Variants in HMCN2 observed in about 807,000 individuals in gnomAD.
HMCN2 encodes the protein hemicentin-2.
HMCN2 carries 325 observed loss-of-function variants against 377.5 expected under a neutral mutation model. The ratio of observed to expected loss-of-function variants is 0.86; its 90% CI spans 0.79 to 0.94. HMCN2 has a LOEUF of 0.94. Ranked by LOEUF, HMCN2 falls within the 40% of genes least tolerant of loss-of-function variation. The pLI, the probability that HMCN2 is intolerant of heterozygous loss-of-function variation, is 0.00. For synonymous variants in HMCN2, 2,007 were observed against 2,046.8 expected, an observed-to-expected ratio of 0.98 and a Z score of 0.53; for missense variants, 4,543 against 4,725.3, an observed-to-expected ratio of 0.96 and a Z score of 1.13.
chr9:130,392,089 C>T lies in HMCN2; in HGVS notation c.10107C>T (p.Thr3369=), dbSNP rs1002499003. Reference sequence around the variant, plus strand: ...TGCCCCTCCCGCTCTCCCAGCGCACCCTCCTCCACGGCTCTGGCCACACCC... The same window carrying T: ...TGCCCCTCCCGCTCTCCCAGCGCACTCTCCTCCACGGCTCTGGCCACACCC... ...DGLPLPLSQR[T]LLHGSGHTLR... is the part of the protein sequence containing the mutation. Residue 3369 remains threonine (T), a synonymous_variant, in exon 66 of 98, where the codon ACC becomes ACT. Transcript: ENST00000683500. 9.1e-6 allele frequency: 9 copies of T among 988,292 alleles called. No homozygotes were observed. The African/African-American group carries it at 1.4e-4, about 15-fold the overall frequency. 61.2% of individuals were successfully genotyped at this position (988,292 alleles called of 1,614,324 possible).
chr9:130,335,811 T>G (rs1838718235), intron 22 of HMCN2, among the ~76,000 whole-genome samples: 1 of 152,174 alleles, frequency 6.6e-6, no homozygotes. Context: ...GCCATGCTGC[T>G]TCTTGGGGAA....
chr9:130,392,060 G>C lies in HMCN2; in HGVS notation c.10078G>C (p.Gly3360Arg). ...CATCCACGTGAGCTGGCTCAAGGAC[G>C]GCCTGCCCCTCCCGCTCTCCCAGCG... ...PPIHVSWLKDGLPLPLSQRTL... is the reference protein window; with the variant it reads ...PPIHVSWLKDRLPLPLSQRTL... Residue 3360 changes from glycine (G) to arginine (R), a missense_variant, in exon 66 of 98, where the codon GGC (glycine) becomes CGC (arginine). Transcript: ENST00000683500. 6.1e-6 allele frequency: 6 copies of C among 988,524 alleles called. No individual in the cohort carries two copies. The highest frequency in any genetic ancestry group is 7.2e-6 in the Non-Finnish European group (6 of 830,514). 61.2% of individuals were successfully genotyped at this position (988,524 alleles called of 1,614,324 possible). A position where few individuals can be genotyped will look rare whatever the true frequency, so the allele number is the denominator to read the frequency against.
At chr9:130,344,927 A>G (rs1164699444) in intron 25 of HMCN2, among the ~76,000 whole-genome samples, 2 of 5,838 alleles carry the variant, frequency 3.4e-4, no homozygotes, top group African/African-American at 5.8e-4. Context: ...GGTGTTTGGC[A>G]TGTATGTTGT....
At chr9:130,278,285 C>T (rs553346728) in intron 1 of HMCN2, among the ~76,000 whole-genome samples, 32 of 152,112 alleles carry the variant, frequency 2.1e-4, no homozygotes, top group African/African-American at 5.5e-4. Context: ...CCACCACGCC[C>T]GGCTAATTTT....
chr9:130,342,467 G>C (rs903694886), intron 25 of HMCN2, 31 bp downstream of exon 25: 9 of 152,268 alleles, frequency 5.9e-5, no homozygotes, highest in Non-Finnish European at 1.3e-4. Context: ...GGACTGGGGA[G>C]GTGGGGTGGG....
At chr9:130,426,222 A>C (rs1169269151) in intron 90 of HMCN2, among the ~76,000 whole-genome samples, 1 of 152,176 alleles carries the variant, frequency 6.6e-6, no homozygotes, top group East Asian at 1.9e-4. Context: ...TCAGGAACTG[A>C]GTCACCCCGC....
At position 130,406,430 on chromosome 9, in the gene HMCN2, C is replaced by G. The variant is rs143757671; in HGVS notation, c.12553+262C>G. ...AGACCTCAGGGCCAGGAAGGGGAGG[C>G]CTGTGTTCTAGTCCAGAGCTGCTGC... On this transcript the variant is annotated intron_variant, in intron 82 of 97. Transcript: ENST00000683500. 4 of 343,436 alleles carry G rather than the reference C, an allele frequency of 1.2e-5. No individual in the cohort carries two copies. In the Admixed American group the frequency reaches 1.5e-4, roughly 13 times the overall value. The allele number at this position is 343,436 out of a possible 1,614,324, so 21.3% of individuals were successfully genotyped here. A position where few individuals can be genotyped will look rare whatever the true frequency, so the allele number is the denominator to read the frequency against.
rs111590813 is a variant in HMCN2 at position 130,422,946 on chromosome 9, CAAAG to C, written c.13381+221_13381+224del. ...TGTCCCCCTCACAACCTCCCAAAAA[CAAAG>C]GAACTGCATTTACAGTCAGACCAAG... On this transcript the variant is annotated intron_variant, in intron 87 of 97. Transcript: ENST00000683500. The surrounding 1 kb of genome is among the most constrained non-coding windows in gnomAD (Gnocchi z 4.2). Among the ~76,000 whole-genome samples, 881 of 152,314 alleles carry C rather than the reference CAAAG, an allele frequency of 5.8e-3. 11 individuals are homozygous for C. Among genetic ancestry groups the C allele is most frequent in the African/African-American group, 0.014 (595 of 41,574 alleles).
chr9:130,373,205 C>A, intron 48 of HMCN2, 81 bp downstream of exon 48: 1 of 394,150 alleles, frequency 2.5e-6, no homozygotes, highest in Non-Finnish European at 3.5e-6. Flanking sequence ...GGGGATCTGC[C>A]CACCTGCCCC....
chr9:130,429,661 C>A lies in HMCN2; in HGVS notation c.14302C>A (p.Gln4768Lys), dbSNP rs1485457960. The A allele has an allele frequency of 6.5e-7, 1 of 1,541,614 alleles. No individual in the cohort carries two copies. The highest frequency in any genetic ancestry group is 2.5e-5 in the East Asian group (1 of 40,752). ...CAGCTGCCCCAGGGGTTACCGGATG[C>A]AGGGCCCCAGCCTGCCCTGCCTAGG... is the stretch of plus-strand genomic sequence containing the variant. ...RCSCPRGYRMQGPSLPCLDVN... is the reference protein window; with the variant it reads ...RCSCPRGYRMKGPSLPCLDVN... The change falls in exon 94 of 98, where the codon CAG (glutamine) becomes AAG (lysine). Residue 4768 changes from glutamine (Q) to lysine (K), a missense_variant. Physicochemically the swap from Gln to Lys is moderately conservative, Grantham distance 53. This residue lies in a region of HMCN2 where 1,155 missense variants were observed against 1,157.7 expected (regional missense o/e 1.00). Coordinates refer to ENST00000683500, the MANE Select transcript of HMCN2 (RefSeq NM_001291815.2).
In HMCN2 at chr9:130,395,931, C is replaced by T. The variant is rs532540473; in HGVS notation, c.10919C>T (p.Ala3640Val). 5.0e-4 allele frequency: 642 copies of T among 1,287,100 alleles called. 4 individuals carry two copies. The African/African-American group carries it at 7.8e-3, about 16-fold the overall frequency. 79.7% of individuals were successfully genotyped at this position (1,287,100 alleles called of 1,614,324 possible). The change falls in exon 72 of 98, where the codon GCC becomes GTC. Residue 3640 changes from alanine to valine, a missense_variant. This residue lies in a region of HMCN2 where 1,073 missense variants were observed against 1,319.5 expected (regional missense o/e 0.81). Transcript: ENST00000683500. ...CCTGGCGGGGCTCTCCAGGAGGACG[C>T]CCACACACAATTCCCGGAGCGGGGC... ...HRDGIVLQED[A>V]HTQFPERGRF...
At chr9:130,403,408 C>G in intron 79 of HMCN2, 80 bp downstream of exon 79, 1 of 1,258,344 alleles carries the variant, frequency 7.9e-7, no homozygotes, top group East Asian at 5.6e-5. Context: ...GCTTCCTGCC[C>G]TGGGAGACCC....
At chr9:130,374,994 G>C (rs951037363) in intron 49 of HMCN2, among the ~76,000 whole-genome samples, 12 of 152,174 alleles carry the variant, frequency 7.9e-5, no homozygotes, top group Admixed American at 5.9e-4. Flanking sequence ...CAGGCCCCAG[G>C]GTGGTGGGTT....
chr9:130,429,387 A>G (rs1705562951), intron 93 of HMCN2, 170 bp from the exon 94 acceptor site: 2 of 769,558 alleles, frequency 2.6e-6, no homozygotes, highest in African/African-American at 1.8e-5. Context: ...TTGACCTCCA[A>G]CCTGGTATAA....
Position 130,296,742 on chromosome 9 carries a change from C to T in HMCN2, c.960C>T (p.Phe320=), listed in dbSNP as rs1554932301. The T allele has an allele frequency of 6.4e-6, 3 of 471,098 alleles. No individual in the cohort carries two copies. The highest frequency in any genetic ancestry group is 6.0e-5 in the African/African-American group (3 of 50,088). 29.2% of individuals were successfully genotyped at this position (471,098 alleles called of 1,614,324 possible). ...GCAACATTGACTTCCGAGCCGGCTT[C>T]TCCACTCAGCCCTTGCTGGACCTCA... The part of the protein sequence containing the change: ...GVSNIDFRAG[F]STQPLLDLNH... Residue 320 remains phenylalanine (F), a synonymous_variant, in exon 7 of 98, where the codon TTC becomes TTT. Transcript: ENST00000683500.
chr9:130,400,022 A>G (rs1161785167), intron 76 of HMCN2, among the ~76,000 whole-genome samples: 1 of 152,204 alleles, frequency 6.6e-6, no homozygotes, highest in Non-Finnish European at 1.5e-5. Flanking sequence ...GACCTGCCTC[A>G]TTCCAGGGTC....
chr9:130,407,684 G>T lies in HMCN2; in HGVS notation c.12667G>T (p.Val4223Phe). 1 of 1,254,370 alleles carries T rather than the reference G, an allele frequency of 8.0e-7. No individual in the cohort carries two copies. The highest frequency in any genetic ancestry group is 1.0e-6 in the Non-Finnish European group (1 of 966,668). 77.7% of individuals were successfully genotyped at this position (1,254,370 alleles called of 1,614,324 possible). The change falls in exon 83 of 98, where the codon GTC (valine) becomes TTC (phenylalanine). Residue 4223 changes from valine to phenylalanine, a missense_variant. Val to Phe is a conservative substitution (Grantham distance 50). Coordinates refer to ENST00000683500, the MANE Select transcript of HMCN2 (RefSeq NM_001291815.2). ...AENRVGRTQA[V>F]SFVHVKEAPV... ...GAACAGAGTGGGCCGCACGCAGGCGGTCAGCTTCGTCCACGTGAAGGGTAG... is the reference window on the plus strand; with the variant it reads ...GAACAGAGTGGGCCGCACGCAGGCGTTCAGCTTCGTCCACGTGAAGGGTAG...
At chr9:130,354,476 G>A (rs1027046903) in intron 31 of HMCN2, among the ~76,000 whole-genome samples, 2 of 152,216 alleles carry the variant, frequency 1.3e-5, no homozygotes, top group Non-Finnish European at 2.9e-5. Context: ...CACTGGGGAT[G>A]CAAGTAGGCC....
chr9:130,388,395 C>A lies in HMCN2; in HGVS notation c.9392-14C>A. ...GAGTCTCAGAATTCTGACAGTCTGG[C>A]TTTCTTCCTGCAGTGCCCCCAACAT... On this transcript the variant is annotated splice_polypyrimidine_tract_variant and intron_variant, in intron 61 of 97. Transcript: ENST00000683500. 1.0e-6 allele frequency: 1 copy of A among 987,916 alleles called. No homozygotes were observed. Among genetic ancestry groups the A allele is most frequent in the Non-Finnish European group, 1.2e-6 (1 of 830,046 alleles). The allele number at this position is 987,916 out of a possible 1,614,324, so 61.2% of individuals were successfully genotyped here.
Sources: gnomAD v4.1 joint callset for allele counts (sites outside exome capture counted in the v4.1 genomes callset) on GRCh38, gnomAD v4.1.1 for gene constraint, gnomAD v4.1.1 regional missense constraint, Gnocchi (gnomAD v3.1) non-coding constraint, MANE v1.5 for transcripts, NCBI Gene and HGNC (gene_info 2026-07-23, HGNC 2026-07-21) for gene names.